Variants in BRINP1 observed in about 807,000 individuals in gnomAD.
The protein encoded by BRINP1 is BMP/retinoic acid inducible neural specific 1.
BRINP1 carries 17 observed loss-of-function variants against 72.9 expected under a neutral mutation model. That is an observed-to-expected ratio of 0.23 (90% CI 0.16 to 0.35). BRINP1 has a LOEUF of 0.35. Ranked by LOEUF, BRINP1 falls within the 10% of genes least tolerant of loss-of-function variation. The pLI is 1.00. For missense variants in BRINP1, 850 were observed against 1,001.6 expected, an observed-to-expected ratio of 0.85 and a Z score of 2.04; for synonymous variants, 418 against 378.5, an observed-to-expected ratio of 1.10 and a Z score of -1.21.
chr9:119,206,788 T>C (rs1001452346), intron 7 of BRINP1, among the ~76,000 whole-genome samples: 1 of 152,084 alleles, frequency 6.6e-6, no homozygotes, highest in Non-Finnish European at 1.5e-5. Context: ...TCGATGCAGG[T>C]CTCATGGCAG....
At chr9:119,169,165 C>T (rs1310797857) in intron 7 of BRINP1, among the ~76,000 whole-genome samples, 1 of 152,248 alleles carries the variant, frequency 6.6e-6, no homozygotes, top group Non-Finnish European at 1.5e-5. Flanking sequence ...GTCTACAGCT[C>T]CCAGCGTGAG....
intron 2 of BRINP1, among the ~76,000 whole-genome samples, chr9:119,268,205 T>C (rs949544415): frequency 2.6e-5 from 4 of 151,798 alleles, no homozygotes; most frequent in Non-Finnish European, 5.9e-5. Context: ...ATCACATCAC[T>C]GCACTCCAGC....
intron 2 of BRINP1, among the ~76,000 whole-genome samples, chr9:119,283,998 T>G (rs1018856255): frequency 2.6e-5 from 4 of 152,200 alleles, no homozygotes; most frequent in African/African-American, 9.7e-5. Context: ...ATTGCAGAAT[T>G]CCCAGGTCCC....
chr9:119,364,064 G>C (rs904278359), intron 1 of BRINP1, among the ~76,000 whole-genome samples: 1 of 146,434 alleles, frequency 6.8e-6, no homozygotes, highest in African/African-American at 2.5e-5. Context: ...CTAAAAGTGA[G>C]GTAAACTAGA....
chr9:119,263,873 G>T (rs950524121), intron 2 of BRINP1, among the ~76,000 whole-genome samples: 7 of 152,128 alleles, frequency 4.6e-5, no homozygotes, highest in Non-Finnish European at 1.0e-4. Context: ...CTCCCAAAGT[G>T]CTGGGATTAC....
rs538705975 is a variant in BRINP1 at position 119,232,644 on chromosome 9, C to A, written c.685+6011G>T. 4.6e-5 allele frequency among the ~76,000 whole-genome samples: 7 copies of A among 152,118 alleles called. No homozygotes were observed. In the South Asian group the frequency reaches 1.0e-3, roughly 23 times the overall value. On this transcript the variant is annotated intron_variant, in intron 5 of 7. Transcript: ENST00000265922. Reference sequence around the variant, plus strand: ...CTGTATATCTGGCTTTAAAAACATACCTGACCATACAGTTGGTGCTCTGTA... The same window carrying A: ...CTGTATATCTGGCTTTAAAAACATAACTGACCATACAGTTGGTGCTCTGTA...
At chr9:119,171,315 A>C (rs1269044019) in intron 7 of BRINP1, among the ~76,000 whole-genome samples, 2 of 135,474 alleles carry the variant, frequency 1.5e-5, no homozygotes, top group African/African-American at 5.8e-5. Context: ...AAACAAAAAA[A>C]GGCAGGGGTT....
chr9:119,316,946 C>T (rs759608865), intron 1 of BRINP1, among the ~76,000 whole-genome samples: 20 of 149,040 alleles, frequency 1.3e-4, no homozygotes, highest in Non-Finnish European at 2.2e-4. Flanking sequence ...CAAAAATTAG[C>T]TGGGCATGGT....
At chr9:119,169,687 C>CA (rs1829376857) in intron 7 of BRINP1, among the ~76,000 whole-genome samples, 1 of 152,216 alleles carries the variant, frequency 6.6e-6, no homozygotes, top group Admixed American at 6.5e-5. Context: ...AGGGCACAGA[C>CA]AAACAAAAAG....
chr9:119,169,857 CG>C (rs1432095816), intron 7 of BRINP1, among the ~76,000 whole-genome samples: 43 of 151,742 alleles, frequency 2.8e-4, no homozygotes, highest in African/African-American at 4.4e-4. Flanking sequence ...GGAGGCACCC[CG>C]CCAGCAGGGG....
chr9:119,324,243 C>T (rs1270482692), intron 1 of BRINP1, among the ~76,000 whole-genome samples: 1 of 151,964 alleles, frequency 6.6e-6, no homozygotes, highest in Non-Finnish European at 1.5e-5. Flanking sequence ...TTCTAGTGTA[C>T]TTGTTTACTA....
chr9:119,267,362 C>T (rs944676062), intron 2 of BRINP1, among the ~76,000 whole-genome samples: 9 of 152,212 alleles, frequency 5.9e-5, no homozygotes, highest in South Asian at 2.1e-4. Context: ...AGACCAGGCA[C>T]GGTGGCTCAC....
intron 2 of BRINP1, among the ~76,000 whole-genome samples, chr9:119,270,324 C>T (rs74501656): frequency 0.024 from 3,590 of 152,230 alleles, 113 homozygotes; most frequent in African/African-American, 0.08. Context: ...AGTCAGACAA[C>T]CTGACTTATG....
At chr9:119,247,100 T>C (rs1468402176) in intron 3 of BRINP1, among the ~76,000 whole-genome samples, 1 of 152,218 alleles carries the variant, frequency 6.6e-6, no homozygotes, top group African/African-American at 2.4e-5. Context: ...AATGGAAGAA[T>C]TGAATTGGTC....
rs1234379372 is a variant in BRINP1, at chr9:119,369,302, C to G, written c.-297G>C. 16 of 398,658 alleles carry G rather than the reference C, an allele frequency of 4.0e-5. No homozygotes were observed. 24.7% of individuals were successfully genotyped at this position (398,658 alleles called of 1,614,324 possible). A position where few individuals can be genotyped will look rare whatever the true frequency, so the allele number is the denominator to read the frequency against. ...TCACTACTCCCTCTGCCTCCCGGCT[C>G]TCTCGCTCTCGCTCTCGCTGTTGCT... is the stretch of plus-strand genomic sequence containing the variant. On this transcript the variant is annotated 5_prime_UTR_variant, in exon 1 of 8. Coordinates refer to ENST00000265922, the MANE Select transcript of BRINP1 (RefSeq NM_014618.3).
At chr9:119,259,317 C>A (rs1011636516) in intron 2 of BRINP1, among the ~76,000 whole-genome samples, 2 of 152,166 alleles carry the variant, frequency 1.3e-5, no homozygotes, top group Non-Finnish European at 2.9e-5. Flanking sequence ...TGCAGCATTG[C>A]TGGAAGGATT....
At chr9:119,246,751 C>T (rs554362765) in intron 3 of BRINP1, among the ~76,000 whole-genome samples, 14 of 152,258 alleles carry the variant, frequency 9.2e-5, no homozygotes, top group African/African-American at 3.1e-4. Flanking sequence ...TCTTAAAAAA[C>T]ATGTTTTCCA....
chr9:119,167,790 G>C lies in BRINP1; in HGVS notation c.1580C>G (p.Thr527Ser). The C allele has an allele frequency of 6.2e-7, 1 of 1,614,150 alleles. No homozygotes were observed. The highest frequency in any genetic ancestry group is 1.1e-5 in the South Asian group (1 of 91,086). The change falls in exon 8 of 8, where the codon ACT becomes AGT. Residue 527 changes from threonine to serine, a missense_variant. Thr to Ser is a moderately conservative substitution (Grantham distance 58). Transcript: ENST00000265922. The surrounding 1 kb of genome is among the most constrained non-coding windows in gnomAD (Gnocchi z 4.3). Reference sequence around the variant, plus strand: ...CATGCGGTTCTTGTTGCTCTTGAGAGTGAGGGACATGCGCTTGCGCCACCG... The same window carrying C: ...CATGCGGTTCTTGTTGCTCTTGAGACTGAGGGACATGCGCTTGCGCCACCG... ...DPRWRKRMSL[T>S]LKSNKNRMDF...
At chr9:119,286,949 G>A (rs1051117160) in intron 2 of BRINP1, among the ~76,000 whole-genome samples, 2 of 151,876 alleles carry the variant, frequency 1.3e-5, no homozygotes, top group Non-Finnish European at 1.5e-5. Context: ...TGGAACACTT[G>A]AATTGCACAA....
Sources: allele counts gnomAD v4.1 joint callset (sites outside exome capture counted in the v4.1 genomes callset), GRCh38; gene constraint gnomAD v4.1.1; non-coding constraint Gnocchi (gnomAD v3.1); transcripts MANE v1.5; gene names NCBI Gene and HGNC (gene_info 2026-07-23, HGNC 2026-07-21).